The following AUTS2 variants were observed in gnomAD, a reference collection of about 807,000 sequenced individuals.
The protein encoded by AUTS2 is autism susceptibility gene 2 protein.
Under a neutral mutation model 112.4 loss-of-function variants are expected in AUTS2, and 17 were observed. The ratio of observed to expected loss-of-function variants is 0.15; its 90% confidence interval spans 0.10 to 0.23. The LOEUF (loss-of-function observed/expected upper bound fraction) is 0.23, where lower values mean the gene tolerates loss of function less well. Ranked by LOEUF, AUTS2 falls within the 10% of genes least tolerant of loss-of-function variation. The pLI, the probability that AUTS2 is intolerant of heterozygous loss-of-function variation, is 1.00. For synonymous variants in AUTS2, 751 were observed against 702.7 expected (o/e 1.07, Z -1.09); for missense variants, 1,510 against 1,701.6 (o/e 0.89, Z 1.98).
At chr7:70,712,742 T>C (rs1273212157) in intron 6 of AUTS2, among the ~76,000 whole-genome samples, 1 of 152,120 alleles carries the variant, frequency 6.6e-6, no homozygotes, top group Non-Finnish European at 1.5e-5. Flanking sequence ...CTGGGTGAAA[T>C]CATACTCTAT....
At chr7:70,047,090 A>G (rs1801540244) in intron 2 of AUTS2, among the ~76,000 whole-genome samples, 1 of 152,178 alleles carries the variant, frequency 6.6e-6, no homozygotes. Context: ...TAAGTTTGTT[A>G]TGGTGGAATT....
At chr7:70,655,123 T>C (rs1806701814) in intron 5 of AUTS2, among the ~76,000 whole-genome samples, 1 of 152,208 alleles carries the variant, frequency 6.6e-6, no homozygotes, top group South Asian at 2.1e-4. Flanking sequence ...CCCATTGCTC[T>C]TGGGACATCC....
At chr7:70,205,195 T>C (rs1810508978) in intron 4 of AUTS2, among the ~76,000 whole-genome samples, 1 of 152,106 alleles carries the variant, frequency 6.6e-6, no homozygotes, top group South Asian at 2.1e-4. Context: ...AATGCACCAT[T>C]TGTGCCTGGC....
intron 6 of AUTS2, among the ~76,000 whole-genome samples, chr7:70,703,512 AG>A (rs1809576216): frequency 6.9e-6 from 1 of 144,788 alleles, no homozygotes; most frequent in African/African-American, 2.5e-5. Flanking sequence ...AAAAAAAAAA[AG>A]GCCTTTCCAT....
At chr7:70,280,374 C>T (rs1369262581) in intron 4 of AUTS2, among the ~76,000 whole-genome samples, 1 of 150,396 alleles carries the variant, frequency 6.6e-6, no homozygotes, top group African/African-American at 2.4e-5. Context: ...ACTTCTGCCT[C>T]CCGGGTTCAA....
intron 1 of AUTS2, among the ~76,000 whole-genome samples, chr7:69,745,698 T>TAG (rs1442009594): frequency 6.6e-6 from 1 of 152,218 alleles, no homozygotes; most frequent in African/African-American, 2.4e-5. Context: ...AATTAGAAAT[T>TAG]ACATTTGGGG....
At chr7:70,533,048 A>G (rs1800160363) in intron 5 of AUTS2, among the ~76,000 whole-genome samples, 1 of 152,208 alleles carries the variant, frequency 6.6e-6, no homozygotes, top group Non-Finnish European at 1.5e-5. Flanking sequence ...CCTCTCACTC[A>G]GGAGATGCCT....
intron 1 of AUTS2, among the ~76,000 whole-genome samples, chr7:69,851,801 G>A (rs1377587678): frequency 6.6e-6 from 1 of 152,118 alleles, no homozygotes; most frequent in East Asian, 1.9e-4. Context: ...TTCATTGTTA[G>A]TATATTGAAA....
At chr7:69,646,832 A>G (rs982217229) in intron 1 of AUTS2, among the ~76,000 whole-genome samples, 2 of 152,202 alleles carry the variant, frequency 1.3e-5, no homozygotes, top group African/African-American at 4.8e-5. Context: ...CACGCCTGTA[A>G]TCCCAGCATC....
chr7:70,675,191 G>A (rs909944026), intron 5 of AUTS2, among the ~76,000 whole-genome samples: 4 of 152,094 alleles, frequency 2.6e-5, no homozygotes, highest in South Asian at 2.1e-4. Context: ...CAGAAAATCC[G>A]TATTTCAGAA....
chr7:69,747,021 A>C (rs1787525937), intron 1 of AUTS2, among the ~76,000 whole-genome samples: 1 of 152,234 alleles, frequency 6.6e-6, no homozygotes, highest in Non-Finnish European at 1.5e-5. Flanking sequence ...AGATCGTGGC[A>C]GAAGCCTAAG....
intron 2 of AUTS2, among the ~76,000 whole-genome samples, chr7:70,031,448 G>A (rs551285532): frequency 6.6e-5 from 10 of 152,096 alleles, no homozygotes; most frequent in Non-Finnish European, 1.5e-4. Context: ...GTCCTGATTA[G>A]CATTTATCTA....
At chr7:70,363,546 G>C (rs1326374110) in intron 4 of AUTS2, among the ~76,000 whole-genome samples, 1 of 149,124 alleles carries the variant, frequency 6.7e-6, no homozygotes, top group African/African-American at 2.5e-5. Flanking sequence ...TTCTTAGAAA[G>C]AATTATTTAT....
intron 5 of AUTS2, among the ~76,000 whole-genome samples, chr7:70,691,359 C>T (rs940794487): frequency 6.6e-6 from 1 of 151,692 alleles, no homozygotes. Flanking sequence ...AGATAGCTTC[C>T]AGCCTTTGAC....
chr7:70,419,782 A>C (rs1795139128), intron 4 of AUTS2, among the ~76,000 whole-genome samples: 1 of 152,218 alleles, frequency 6.6e-6, no homozygotes, highest in South Asian at 2.1e-4. Context: ...ACTGCATATC[A>C]GCATTTACAT....
At chr7:70,116,460 A>G (rs1211517570) in intron 2 of AUTS2, among the ~76,000 whole-genome samples, 1 of 152,182 alleles carries the variant, frequency 6.6e-6, no homozygotes, top group East Asian at 1.9e-4. Flanking sequence ...TCCCCTAGGC[A>G]CCATAGCCAC....
At chr7:70,723,326 GGTT>G (rs1210383734) in intron 6 of AUTS2, among the ~76,000 whole-genome samples, 12 of 152,254 alleles carry the variant, frequency 7.9e-5, no homozygotes, top group African/African-American at 2.9e-4. Flanking sequence ...TAAGTTTCAT[GGTT>G]GTTCTGGGAG....
chr7:70,750,846 A>G (rs1788785269), intron 6 of AUTS2, among the ~76,000 whole-genome samples: 1 of 152,238 alleles, frequency 6.6e-6, no homozygotes, highest in Admixed American at 6.5e-5. Context: ...GATGACGGAC[A>G]GTATGTAAGT....
chr7:70,695,271 C>G (rs1278316714), intron 5 of AUTS2, among the ~76,000 whole-genome samples: 1 of 152,158 alleles, frequency 6.6e-6, no homozygotes, highest in Non-Finnish European at 1.5e-5. Context: ...CTCCCTCGGC[C>G]GGCCGGGCTC....
Sources: allele counts gnomAD v4.1 joint callset (sites outside exome capture counted in the v4.1 genomes callset), GRCh38; gene constraint gnomAD v4.1.1; transcripts MANE v1.5; gene names NCBI Gene and HGNC (gene_info 2026-07-23, HGNC 2026-07-21).